DLGAP1: variants seen among roughly 807,000 people sequenced by gnomAD.
DLGAP1 encodes disks large-associated protein 1.
In DLGAP1, 11 loss-of-function variants were observed where a neutral mutation model predicts 90.8. The ratio of observed to expected loss-of-function variants is 0.12; its 90% CI spans 0.08 to 0.20. The LOEUF is 0.20. DLGAP1 is among the 10% of genes least tolerant of loss of function. DLGAP1 has a pLI of 1.00. For missense variants in DLGAP1, 1,050 were observed against 1,333.8 expected, an observed-to-expected ratio of 0.79 and a Z score of 3.31; for synonymous variants, 558 against 540.7, an observed-to-expected ratio of 1.03 and a Z score of -0.44.
chr18:3,964,014 T>C (rs2073265360), intron 3 of DLGAP1, among the ~76,000 whole-genome samples: 1 of 152,252 alleles, frequency 6.6e-6, no homozygotes. Flanking sequence ...CTGGAAAATT[T>C]AAAATCGTAT....
Position 3,536,847 on chromosome 18 carries a change from G to A in DLGAP1, c.2058-2232C>T, listed in dbSNP as rs1417409274. Among the ~76,000 whole-genome samples, 12 of 152,294 alleles carry A rather than the reference G, an allele frequency of 7.9e-5. No individual in the cohort carries two copies. The East Asian group carries it at 2.3e-3, about 29-fold the overall frequency. On this transcript the variant is annotated intron_variant, in intron 9 of 12. Transcript: ENST00000315677. The stretch of plus-strand genomic sequence containing the variant: ...GAAGGGGAGAACATGGGGAAGGTGG[G>A]AGGGGAGAGACACGAGGAGAGAAGC...
intron 1 of DLGAP1, among the ~76,000 whole-genome samples, chr18:4,182,274 T>C (rs2077222227): frequency 6.6e-6 from 1 of 152,086 alleles, no homozygotes; most frequent in Non-Finnish European, 1.5e-5. Flanking sequence ...TCTCTCTATT[T>C]GCCTAAAATT....
At chr18:4,111,161 A>G (rs7506003) in intron 2 of DLGAP1, among the ~76,000 whole-genome samples, 79,747 of 151,952 alleles carry the variant, frequency 0.52, 22,521 homozygotes, top group African/African-American at 0.74. Context: ...TGTGTCTATT[A>G]AGATGATCTT....
intron 3 of DLGAP1, among the ~76,000 whole-genome samples, chr18:3,930,103 G>A (rs1301196288): frequency 2.6e-5 from 4 of 152,162 alleles, no homozygotes; most frequent in African/African-American, 7.2e-5. Flanking sequence ...CAATGTGTGG[G>A]GAAATGGTGT....
At chr18:4,196,161 A>T (rs2144769527) in intron 1 of DLGAP1, among the ~76,000 whole-genome samples, 1 of 152,280 alleles carries the variant, frequency 6.6e-6, no homozygotes, top group South Asian at 2.1e-4. Context: ...TCATTGTGAA[A>T]GGGACAGGCA....
At chr18:4,138,581 A>G (rs2076444788) in intron 2 of DLGAP1, among the ~76,000 whole-genome samples, 1 of 152,034 alleles carries the variant, frequency 6.6e-6, no homozygotes, top group Admixed American at 6.6e-5. Flanking sequence ...TATAAGGGAT[A>G]TTGACCAGTA....
At chr18:3,741,258 CAAT>C (rs1253685847) in intron 6 of DLGAP1, among the ~76,000 whole-genome samples, 6 of 106,062 alleles carry the variant, frequency 5.7e-5, no homozygotes, top group South Asian at 3.6e-4. Flanking sequence ...ATCACCACCA[CAAT>C]CACCACCACC....
At chr18:3,522,236 A>G (rs1239386164) in intron 10 of DLGAP1, among the ~76,000 whole-genome samples, 1 of 148,972 alleles carries the variant, frequency 6.7e-6, no homozygotes, top group African/African-American at 2.5e-5. Context: ...TCCCGGATTC[A>G]AGTGATTCTC....
At chr18:3,979,398 T>C (rs1240207842) in intron 3 of DLGAP1, among the ~76,000 whole-genome samples, 3 of 152,244 alleles carry the variant, frequency 2.0e-5, no homozygotes, top group Admixed American at 2.0e-4. Context: ...AGGGTTGCAC[T>C]CTATAATGTT....
intron 7 of DLGAP1, among the ~76,000 whole-genome samples, chr18:3,622,288 G>T (rs2058125701): frequency 6.6e-6 from 1 of 151,920 alleles, no homozygotes; most frequent in African/African-American, 2.4e-5. Flanking sequence ...GTATTTTTTA[G>T]TAGAGACGGG....
rs1208837036 is a variant in DLGAP1 at position 3,596,819 on chromosome 18, G to A, written c.1592-14571C>T. ...GGACACCTCAGCAAAGCCATTCGCT[G>A]TGATCTCTGATTGTGCAGTGTCATG... On this transcript the variant is annotated intron_variant, in intron 7 of 12. Transcript: ENST00000315677. The A allele has an allele frequency of 5.8e-6, 3 of 519,816 alleles. No homozygotes were observed. In the Admixed American group the frequency reaches 5.8e-5, roughly 10 times the overall value. The allele number at this position is 519,816 out of a possible 1,614,324, so 32.2% of individuals were successfully genotyped here.
chr18:4,392,004 G>C (rs1185648533), intron 1 of DLGAP1, among the ~76,000 whole-genome samples: 1 of 152,140 alleles, frequency 6.6e-6, no homozygotes, highest in Non-Finnish European at 1.5e-5. Context: ...CACTTGTTTT[G>C]GTTAGAAACC....
At chr18:3,770,784 A>G (rs2064495027) in intron 5 of DLGAP1, 1 of 152,224 alleles carries the variant, frequency 6.6e-6, no homozygotes, top group Non-Finnish European at 1.5e-5. Context: ...CCAGAATCAC[A>G]TAGTATTTAA....
At position 3,552,290 on chromosome 18, in the gene DLGAP1, T is replaced by C. The variant is rs563600682; in HGVS notation, c.2057+15200A>G. Among the ~76,000 whole-genome samples, 3 of 152,336 alleles carry C rather than the reference T, an allele frequency of 2.0e-5. No individual in the cohort carries two copies. In the South Asian group the frequency reaches 6.2e-4, roughly 32 times the overall value. On this transcript the variant is annotated intron_variant, in intron 9 of 12. Coordinates refer to ENST00000315677, the MANE Select transcript of DLGAP1 (RefSeq NM_004746.4). ...CCTGAACAATTTTTGTTTCTAGTTTTCTGGCTCTTGTCTTATCTCCCTGAG... is the reference window on the plus strand; with the variant it reads ...CCTGAACAATTTTTGTTTCTAGTTTCCTGGCTCTTGTCTTATCTCCCTGAG...
intron 5 of DLGAP1, among the ~76,000 whole-genome samples, chr18:3,748,423 TC>T: frequency 6.6e-6 from 1 of 152,232 alleles, no homozygotes; most frequent in Non-Finnish European, 1.5e-5. Context: ...GGATGCTTTT[TC>T]CCCCAAAGAA....
At chr18:3,523,580 G>A (rs530086081) in intron 10 of DLGAP1, among the ~76,000 whole-genome samples, 4 of 152,060 alleles carry the variant, frequency 2.6e-5, no homozygotes, top group East Asian at 3.9e-4. Context: ...AGGTGCGGTG[G>A]CTCACGCCTG....
chr18:4,448,912 C>A lies in DLGAP1; in HGVS notation c.-267+6094G>T, dbSNP rs139329189. ...CAGTTGTAGCTGCTTCTCTGCCTCC[C>A]ACAACACTTTCCACCTCATCCCTGT... On this transcript the variant is annotated intron_variant, in intron 1 of 12. Coordinates refer to ENST00000315677, the MANE Select transcript of DLGAP1 (RefSeq NM_004746.4). Among the ~76,000 whole-genome samples the A allele has an allele frequency of 2.6e-3, 403 of 152,284 alleles. 6 individuals carry two copies. Among genetic ancestry groups the A allele is most frequent in the African/African-American group, 9.1e-3 (377 of 41,542 alleles).
chr18:4,244,935 C>T (rs987469032), intron 1 of DLGAP1, among the ~76,000 whole-genome samples: 2 of 152,170 alleles, frequency 1.3e-5, no homozygotes, highest in African/African-American at 4.8e-5. Flanking sequence ...TCTATTAGTA[C>T]ATTTTCTGAA....
chr18:4,161,709 T>G lies in DLGAP1; in HGVS notation c.-266-10422A>C, dbSNP rs536015313. Among the ~76,000 whole-genome samples the G allele has an allele frequency of 1.1e-4, 17 of 152,350 alleles. No homozygotes were observed. In the South Asian group the frequency reaches 3.3e-3, roughly 30 times the overall value. On this transcript the variant is annotated intron_variant, in intron 1 of 12. Transcript: ENST00000315677. The stretch of plus-strand genomic sequence containing the variant: ...TTACTTCCGAGCCTGTGTATGCCAG[T>G]TGGCAATGCTGGTTCCACTGCCACA...
Sources: allele counts gnomAD v4.1 joint callset (sites outside exome capture counted in the v4.1 genomes callset), GRCh38; gene constraint gnomAD v4.1.1; transcripts MANE v1.5; gene names NCBI Gene and HGNC (gene_info 2026-07-23, HGNC 2026-07-21).